The following CKMT2 variants were observed in gnomAD, a reference collection of about 807,000 sequenced individuals.
CKMT2 encodes creatine kinase S-type, mitochondrial.
CKMT2 carries 43 observed loss-of-function variants against 48.9 expected under a neutral mutation model. That is an observed-to-expected ratio of 0.88 (90% CI 0.69 to 1.13). The LOEUF (loss-of-function observed/expected upper bound fraction) is 1.13, where lower values mean the gene tolerates loss of function less well. Among genes scored for constraint, CKMT2 ranks in the 50% most tolerant of loss-of-function variants. The pLI is 0.00. For synonymous variants in CKMT2, 206 were observed against 213.0 expected (o/e 0.97, Z 0.29); for missense variants, 472 against 555.4 (o/e 0.85, Z 1.51).
intron 1 of CKMT2, among the ~76,000 whole-genome samples, chr5:81,249,755 T>C (rs933322887): frequency 2.0e-5 from 3 of 152,176 alleles, no homozygotes; most frequent in Non-Finnish European, 2.9e-5. Context: ...TTTTTCACTC[T>C]CATTTTTGAA....
At position 81,248,426 on chromosome 5, in the gene CKMT2, G is replaced by A. The variant is rs528752606; in HGVS notation, c.-20-2687G>A. Among the ~76,000 whole-genome samples the A allele has an allele frequency of 3.0e-4, 45 of 152,282 alleles. 1 individual carries two copies. The South Asian group carries it at 5.0e-3, about 17-fold the overall frequency. Reference sequence around the variant, plus strand: ...TCTCTAGTTAGAAAGTGGGTTTGAGGGTGTGATGGCAAATAAGATGGCCCA... The same window carrying A: ...TCTCTAGTTAGAAAGTGGGTTTGAGAGTGTGATGGCAAATAAGATGGCCCA... On this transcript the variant is annotated intron_variant, in intron 1 of 9. Transcript: ENST00000254035.
At position 81,259,268 on chromosome 5, in the gene CKMT2, C is replaced by A. The variant is rs749870270; in HGVS notation, c.1014+14C>A. Reference sequence around the variant, plus strand: ...AAGCTCAGCAAGGTACTGTTATGTGCCCAGTGGCCCTGATGGGCCAGGATC... The same window carrying A: ...AAGCTCAGCAAGGTACTGTTATGTGACCAGTGGCCCTGATGGGCCAGGATC... On this transcript the variant is annotated intron_variant, in intron 8 of 9. Coordinates refer to ENST00000254035, the MANE Select transcript of CKMT2 (RefSeq NM_001099735.2). The A allele has an allele frequency of 5.6e-6, 9 of 1,609,212 alleles. No homozygotes were observed. The South Asian group carries it at 1.0e-4, about 18-fold the overall frequency.
chr5:81,245,961 C>A (rs1457630693), intron 1 of CKMT2, among the ~76,000 whole-genome samples: 1 of 152,116 alleles, frequency 6.6e-6, no homozygotes, highest in Non-Finnish European at 1.5e-5. Context: ...CTTTCATTTC[C>A]AAACCATTAG....
At chr5:81,257,042 A>C (rs1194542806) in intron 6 of CKMT2, 42 bp downstream of exon 6, 10 of 1,546,522 alleles carry the variant, frequency 6.5e-6, no homozygotes, top group Non-Finnish European at 8.9e-6. Flanking sequence ...TCTGTAGAGG[A>C]TGTTTTTGAG....
chr5:81,255,023 G>A lies in CKMT2; in HGVS notation c.478G>A (p.Val160Met), dbSNP rs776747260. ...CCAAGGGCAGTTCGACGAGCATTAC[G>A]TGCTGTCTTCTCGGGTGCGCACTGG... is the stretch of plus-strand genomic sequence containing the variant. Reference protein sequence around the residue: ...ITQGQFDEHYVLSSRVRTGRS... With the variant: ...ITQGQFDEHYMLSSRVRTGRS... Residue 160 changes from valine to methionine, a missense_variant, in exon 5 of 10, where the codon GTG becomes ATG. Physicochemically the swap from Val to Met is conservative, Grantham distance 21. Coordinates refer to ENST00000254035, the MANE Select transcript of CKMT2 (RefSeq NM_001099735.2). The A allele has an allele frequency of 1.5e-5, 25 of 1,613,906 alleles. No individual in the cohort carries two copies. Among genetic ancestry groups the A allele is most frequent in the African/African-American group, 4.0e-5 (3 of 74,936 alleles).
chr5:81,235,472 C>G (rs1206615407), intron 1 of CKMT2, among the ~76,000 whole-genome samples: 1 of 152,190 alleles, frequency 6.6e-6, no homozygotes, highest in Non-Finnish European at 1.5e-5. Context: ...TCCTCCTGCC[C>G]TTCCACCTGC....
At chr5:81,259,555 TCTC>T (rs1384125460) in intron 8 of CKMT2, among the ~76,000 whole-genome samples, 2 of 152,044 alleles carry the variant, frequency 1.3e-5, no homozygotes, top group Non-Finnish European at 2.9e-5. Flanking sequence ...TTTCTCCATC[TCTC>T]CTAGTTCAAG....
intron 5 of CKMT2, among the ~76,000 whole-genome samples, chr5:81,255,687 T>A (rs1033217187): frequency 6.6e-6 from 1 of 152,152 alleles, no homozygotes; most frequent in South Asian, 2.1e-4. Context: ...TGGGGTTGAT[T>A]CCTGCTGCTT....
At chr5:81,241,891 C>T (rs1013328631) in intron 1 of CKMT2, among the ~76,000 whole-genome samples, 2 of 152,056 alleles carry the variant, frequency 1.3e-5, no homozygotes, top group Admixed American at 1.3e-4. Flanking sequence ...TAAATTGTTT[C>T]CCCAACACCT....
intron 6 of CKMT2, among the ~76,000 whole-genome samples, chr5:81,257,388 A>T (rs1757051329): frequency 6.6e-6 from 1 of 152,106 alleles, no homozygotes; most frequent in African/African-American, 2.4e-5. Context: ...TTTAGAGCAC[A>T]AGATTTTGGT....
intron 2 of CKMT2, among the ~76,000 whole-genome samples, chr5:81,251,652 C>T (rs1040822904): frequency 6.6e-6 from 1 of 152,138 alleles, no homozygotes; most frequent in Non-Finnish European, 1.5e-5. Context: ...AATATGCTTT[C>T]CCCTGCTGGA....
At chr5:81,238,636 G>A (rs115420437) in intron 1 of CKMT2, 1,907 of 152,544 alleles carry the variant, frequency 0.013, 40 homozygotes, top group African/African-American at 0.043. Context: ...CCAGTGCCAC[G>A]TGCTTTGGCT....
At chr5:81,247,408 A>C (rs1756648242) in intron 1 of CKMT2, among the ~76,000 whole-genome samples, 1 of 152,222 alleles carries the variant, frequency 6.6e-6, no homozygotes, top group African/African-American at 2.4e-5. Flanking sequence ...GCCACATGTT[A>C]TCATGTGTGC....
At chr5:81,249,617 T>C (rs1033401604) in intron 1 of CKMT2, among the ~76,000 whole-genome samples, 1 of 151,210 alleles carries the variant, frequency 6.6e-6, no homozygotes, top group Non-Finnish European at 1.5e-5. Flanking sequence ...CAAATAAATA[T>C]ATAAATACTT....
chr5:81,251,296 T>C lies in CKMT2; in HGVS notation c.152+12T>C, dbSNP rs1356912524. The C allele has an allele frequency of 1.9e-6, 3 of 1,613,246 alleles. No individual in the cohort carries two copies. The highest frequency in any genetic ancestry group is 2.5e-6 in the Non-Finnish European group (3 of 1,179,776). On this transcript the variant is annotated intron_variant, in intron 2 of 9. Coordinates refer to ENST00000254035, the MANE Select transcript of CKMT2 (RefSeq NM_001099735.2). ...CTATTTCCTCCAAGGTAAGGGCTCC[T>C]GACTTTAAAATAACCTCAGGCCAGG...
At chr5:81,247,803 A>C (rs1756662623) in intron 1 of CKMT2, among the ~76,000 whole-genome samples, 1 of 152,146 alleles carries the variant, frequency 6.6e-6, no homozygotes, top group Non-Finnish European at 1.5e-5. Context: ...CTTCACCAAA[A>C]CCTGGAGTCT....
At position 81,257,718 on chromosome 5, in the gene CKMT2, T is replaced by A; in HGVS notation, c.756-15T>A. The A allele has an allele frequency of 6.2e-7, 1 of 1,607,898 alleles. No homozygotes were observed. The highest frequency in any genetic ancestry group is 8.5e-7 in the Non-Finnish European group (1 of 1,176,530). ...ATGCAATTAACACTCAGTACCATAT[T>A]TCTCTCTTCATTAGGCATAATTATG... On this transcript the variant is annotated splice_polypyrimidine_tract_variant and intron_variant, in intron 6 of 9. Transcript: ENST00000254035.
Position 81,263,479 on chromosome 5 carries a change from C to G in CKMT2, c.1015-12C>G. ...CCTCTTAGCACATTTAAGTATTATC[C>G]CTTTGTCCTAGGACCCACGCTTTTC... On this transcript the variant is annotated splice_polypyrimidine_tract_variant and intron_variant, in intron 8 of 9. Transcript: ENST00000254035. 1.9e-6 allele frequency: 3 copies of G among 1,589,842 alleles called. No homozygotes were observed. Among genetic ancestry groups the G allele is most frequent in the Middle Eastern group, 1.7e-4 (1 of 5,962 alleles).
chr5:81,259,203 T>G lies in CKMT2; in HGVS notation c.963T>G (p.Leu321=). 3.7e-6 allele frequency: 6 copies of G among 1,614,064 alleles called. No individual in the cohort carries two copies. Among genetic ancestry groups the G allele is most frequent in the Non-Finnish European group, 5.1e-6 (6 of 1,179,972 alleles). The change falls in exon 8 of 10, where the codon CTT becomes CTG. Residue 321 remains leucine, a synonymous_variant. Coordinates refer to ENST00000254035, the MANE Select transcript of CKMT2 (RefSeq NM_001099735.2). ...LGYILTCPSN[L]GTGLRAGVHV... ...ACATTTTGACCTGTCCTTCGAACCT[T>G]GGAACAGGACTACGAGCTGGTGTCC... is the stretch of plus-strand genomic sequence containing the variant.
Sources: allele counts gnomAD v4.1 joint callset (sites outside exome capture counted in the v4.1 genomes callset), GRCh38; gene constraint gnomAD v4.1.1; transcripts MANE v1.5; gene names NCBI Gene and HGNC (gene_info 2026-07-23, HGNC 2026-07-21).